Variants in RHOBTB1 observed in about 807,000 individuals in gnomAD.
RHOBTB1 encodes the protein Rho related BTB domain containing 1, also known as rho-related BTB domain-containing protein 1.
In RHOBTB1, 40 loss-of-function variants were observed where a neutral mutation model predicts 71.6. That is an observed-to-expected ratio of 0.56 (90% confidence interval 0.43 to 0.73). RHOBTB1 has a LOEUF of 0.73. RHOBTB1 is among the 30% of genes least tolerant of loss of function. The pLI, the probability that RHOBTB1 is intolerant of heterozygous loss-of-function variation, is 0.00. For missense variants in RHOBTB1, 797 were observed against 894.0 expected (o/e 0.89, Z 1.38); for synonymous variants, 319 against 334.9 (o/e 0.95, Z 0.52).
At chr10:60,996,416 A>C (rs2087051422) in intron 1 of RHOBTB1, among the ~76,000 whole-genome samples, 1 of 152,096 alleles carries the variant, frequency 6.6e-6, no homozygotes, top group Non-Finnish European at 1.5e-5. Context: ...CTGCTCTTTA[A>C]GGCCTAGTTC....
upstream of RHOBTB1, among the ~76,000 whole-genome samples, chr10:60,945,675 C>T (rs2085196362): frequency 6.6e-6 from 1 of 152,170 alleles, no homozygotes. Flanking sequence ...CCCCCAGAGA[C>T]CCCAGAAAAT....
intron 2 of RHOBTB1, among the ~76,000 whole-genome samples, chr10:60,931,443 A>C (rs1000748088): frequency 6.6e-6 from 1 of 152,154 alleles, no homozygotes; most frequent in Non-Finnish European, 1.5e-5. Flanking sequence ...TATGTGGCCT[A>C]TTGTGTCTGT....
chr10:60,892,748 C>T, intron 5 of RHOBTB1, 62 bp downstream of exon 5: 2 of 1,424,516 alleles, frequency 1.4e-6, no homozygotes, highest in South Asian at 1.3e-5. Flanking sequence ...GCTACAGAGA[C>T]ACCTGCTGCC....
In RHOBTB1 at chr10:60,938,731, G is replaced by T. The variant is rs191838373; in HGVS notation, c.-11+3073C>A. ...TGGTTTAAAGTGTTGTTTTTTTGGAGGGGGGGTTTGTTTAGAGCAAATATA... is the reference window on the plus strand; with the variant it reads ...TGGTTTAAAGTGTTGTTTTTTTGGATGGGGGGTTTGTTTAGAGCAAATATA... On this transcript the variant is annotated intron_variant, in intron 2 of 10. Transcript: ENST00000337910. Among the ~76,000 whole-genome samples the T allele has an allele frequency of 1.5e-4, 23 of 152,182 alleles. No homozygotes were observed. The East Asian group carries it at 4.3e-3, about 28-fold the overall frequency.
At chr10:60,895,637 C>T (rs1393739649) in intron 4 of RHOBTB1, among the ~76,000 whole-genome samples, 10 of 152,230 alleles carry the variant, frequency 6.6e-5, no homozygotes, top group African/African-American at 9.6e-5. Context: ...CTCCCCACCT[C>T]GGGTGATCCA....
upstream of RHOBTB1, among the ~76,000 whole-genome samples, chr10:60,948,438 T>G (rs577982697): frequency 3.3e-4 from 50 of 152,326 alleles, 1 homozygote; most frequent in South Asian, 0.01. Flanking sequence ...CTTAGCCACG[T>G]GTAGTCGAGG....
intron 2 of RHOBTB1, among the ~76,000 whole-genome samples, chr10:60,922,533 C>T (rs549275014): frequency 4.0e-4 from 61 of 152,360 alleles, no homozygotes; most frequent in African/African-American, 1.4e-3. Flanking sequence ...TGATGACCAG[C>T]AGACTGCCAT....
chr10:60,933,976 C>T (rs1161469438), intron 2 of RHOBTB1, among the ~76,000 whole-genome samples: 1 of 152,026 alleles, frequency 6.6e-6, no homozygotes, highest in Non-Finnish European at 1.5e-5. Context: ...AATATTAATG[C>T]CAACAACTTT....
At position 60,907,789 on chromosome 10, in the gene RHOBTB1, C is replaced by G. The variant is rs561930150; in HGVS notation, c.296+3098G>C. ...AATCCAGCTCACCAATGTAGGGTCC[C>G]AGTAGGTTGAGGTAGCTTGGCACAG... On this transcript the variant is annotated intron_variant, in intron 4 of 10. Transcript: ENST00000337910. 3.3e-5 allele frequency among the ~76,000 whole-genome samples: 5 copies of G among 152,266 alleles called. No homozygotes were observed. The South Asian group carries it at 1.0e-3, about 32-fold the overall frequency.
chr10:60,880,392 C>G (rs1406119652), intron 7 of RHOBTB1, among the ~76,000 whole-genome samples: 1 of 152,042 alleles, frequency 6.6e-6, no homozygotes, highest in Non-Finnish European at 1.5e-5. Context: ...TTGTTATTCT[C>G]CTATGCAGCC....
upstream of RHOBTB1, among the ~76,000 whole-genome samples, chr10:60,946,332 C>T (rs1232795862): frequency 6.6e-6 from 1 of 152,168 alleles, no homozygotes; most frequent in Non-Finnish European, 1.5e-5. Context: ...CTCTTCATTA[C>T]AAGCTATTTC....
At chr10:60,887,791 C>T (rs1402451793) in intron 6 of RHOBTB1, among the ~76,000 whole-genome samples, 1 of 152,272 alleles carries the variant, frequency 6.6e-6, no homozygotes, top group East Asian at 1.9e-4. Context: ...TAGAATTGGT[C>T]AGAGAATAGA....
intron 2 of RHOBTB1, among the ~76,000 whole-genome samples, chr10:60,925,147 C>T (rs1039569345): frequency 2.6e-5 from 4 of 152,234 alleles, no homozygotes; most frequent in South Asian, 2.1e-4. Flanking sequence ...CTGCTCTCCT[C>T]TTACCTTCCA....
At chr10:60,906,548 C>T (rs768628826) in intron 4 of RHOBTB1, among the ~76,000 whole-genome samples, 3 of 152,162 alleles carry the variant, frequency 2.0e-5, no homozygotes, top group Non-Finnish European at 2.9e-5. Context: ...AGAGGAAAGT[C>T]CAGCTGCACT....
At chr10:60,911,929 G>T (rs2082995516) in intron 2 of RHOBTB1, among the ~76,000 whole-genome samples, 1 of 152,124 alleles carries the variant, frequency 6.6e-6, no homozygotes, top group African/African-American at 2.4e-5. Context: ...CCGGTCACCT[G>T]TAGGGCTGAA....
At chr10:60,974,884 G>T (rs147845133) in intron 2 of RHOBTB1, among the ~76,000 whole-genome samples, 1 of 151,976 alleles carries the variant, frequency 6.6e-6, no homozygotes, top group African/African-American at 2.4e-5. Context: ...AGAAGGCATC[G>T]TGATGGCATG....
At chr10:60,986,421 A>G (rs1410028319) in intron 1 of RHOBTB1, among the ~76,000 whole-genome samples, 1 of 144,756 alleles carries the variant, frequency 6.9e-6, no homozygotes, top group Non-Finnish European at 1.5e-5. Flanking sequence ...ATATATATAT[A>G]TATATATATA....
intron 10 of RHOBTB1, 100 bp downstream of exon 10, chr10:60,872,085 A>T: frequency 1.2e-6 from 1 of 866,782 alleles, no homozygotes; most frequent in East Asian, 2.4e-5. Context: ...ATCATCCATG[A>T]GCTGCCTGCT....
intron 6 of RHOBTB1, among the ~76,000 whole-genome samples, chr10:60,886,627 T>C (rs565084447): frequency 7.0e-4 from 106 of 152,160 alleles, no homozygotes; most frequent in Non-Finnish European, 1.1e-3. Flanking sequence ...ATTTTACTTA[T>C]TAATACTCAA....
Sources: gnomAD v4.1 joint callset for allele counts (sites outside exome capture counted in the v4.1 genomes callset) on GRCh38, gnomAD v4.1.1 for gene constraint, MANE v1.5 for transcripts, NCBI Gene and HGNC (gene_info 2026-07-23, HGNC 2026-07-21) for gene names.